Variants in UBA5 observed in about 807,000 individuals in gnomAD.
UBA5 encodes the protein ubiquitin like modifier activating enzyme 5.
Under a neutral mutation model 52.9 loss-of-function variants are expected in UBA5, and 28 were observed. The observed-to-expected ratio is 0.53, with a 90% confidence interval of 0.39 to 0.73. UBA5 has a LOEUF of 0.73. Among genes scored for constraint, UBA5 ranks in the 30% least tolerant of loss-of-function variants. UBA5 has a pLI of 0.00. For missense variants in UBA5, 388 were observed against 492.7 expected (o/e 0.79, Z 2.01); for synonymous variants, 135 against 162.1 (o/e 0.83, Z 1.27).
At chr3:132,659,463 C>T (rs941548725), upstream of UBA5, 2 of 1,230,108 alleles carry the variant, frequency 1.6e-6, no homozygotes, top group South Asian at 3.0e-5. Flanking sequence ...GCAATAGCAG[C>T]TCATGCCTGT....
In UBA5 at chr3:132,675,269, T is replaced by C. The variant is rs771075583; in HGVS notation, c.834T>C (p.Thr278=). Residue 278 remains threonine, a synonymous_variant, in exon 9 of 12, where the codon ACT becomes ACC. Coordinates refer to ENST00000356232, the MANE Select transcript of UBA5 (RefSeq NM_024818.6). ...NVLKFLLNFG[T]VSFYLGYNAM... ...CTAGGTTTCTGTTAAATTTTGGTAC[T>C]GTTAGTTTTTACCTTGGATACAATG... The C allele has an allele frequency of 1.9e-6, 3 of 1,608,534 alleles. No individual in the cohort carries two copies. The highest frequency in any genetic ancestry group is 2.6e-6 in the Non-Finnish European group (3 of 1,176,272).
chr3:132,676,423 T>A lies in UBA5; in HGVS notation c.1132-20T>A. ...TCTATATGGTTCTTTTTTCACTGTA[T>A]TTCCCTTATTTGTCAATAGCAAGAA... On this transcript the variant is annotated intron_variant, in intron 11 of 11. Coordinates refer to ENST00000356232, the MANE Select transcript of UBA5 (RefSeq NM_024818.6). The surrounding 1 kb of genome is among the most constrained non-coding windows in gnomAD (Gnocchi z 4.1). The A allele has an allele frequency of 6.3e-7, 1 of 1,589,538 alleles. No homozygotes were observed.
rs1938935345 is a variant in UBA5, at chr3:132,678,792, G to A, written c.*2266G>A. On this transcript the variant is annotated 3_prime_UTR_variant, in exon 12 of 12. Transcript: ENST00000356232. ...AGCCTCCCAAGTAGCTGGGATTACA[G>A]GTGCCCGCCACCACGCATGGCTAAT... Among the ~76,000 whole-genome samples the A allele has an allele frequency of 6.6e-6, 1 of 151,914 alleles. No individual in the cohort carries two copies. The highest frequency in any genetic ancestry group is 1.5e-5 in the Non-Finnish European group (1 of 67,992).
upstream of UBA5, chr3:132,659,831 C>A: frequency 6.7e-7 from 1 of 1,484,222 alleles, no homozygotes; most frequent in South Asian, 1.4e-5. Flanking sequence ...GCAACGTCCC[C>A]TCTAGAGCAT....
At chr3:132,671,231 C>T (rs151141988) in intron 6 of UBA5, among the ~76,000 whole-genome samples, 182 bp downstream of exon 6, 1 of 152,162 alleles carries the variant, frequency 6.6e-6, no homozygotes, top group Non-Finnish European at 1.5e-5. Context: ...CCTAGACTGT[C>T]TAGCCTTGCT....
chr3:132,661,689 T>C (rs1938174439), intron 1 of UBA5, among the ~76,000 whole-genome samples: 1 of 152,246 alleles, frequency 6.6e-6, no homozygotes, highest in African/African-American at 2.4e-5. Flanking sequence ...TTTGTCTTAA[T>C]GTAAAATTCT....
At chr3:132,670,812 T>TATATATG in intron 5 of UBA5, 153 bp from the exon 6 acceptor site, 1 of 471,304 alleles carries the variant, frequency 2.1e-6, no homozygotes, top group South Asian at 3.3e-5. Context: ...CAATACTTGA[T>TATATATG]ATATATGATA....
chr3:132,660,620 C>A lies in UBA5; in HGVS notation c.83C>A (p.Pro28Gln). The change falls in exon 1 of 12, where the codon CCG becomes CAG. Residue 28 changes from proline to glutamine, a missense_variant. Transcript: ENST00000356232. The surrounding 1 kb of genome is among the most constrained non-coding windows in gnomAD (Gnocchi z 4.1). ...ELAQERSLQV[P>Q]RSGDGGGGRV... is the part of the protein sequence containing the mutation. Reference sequence around the variant, plus strand: ...GCCCAGGAGAGGAGTCTGCAGGTCCCGAGGAGCGGCGACGGAGGGGGCGGC... The same window carrying A: ...GCCCAGGAGAGGAGTCTGCAGGTCCAGAGGAGCGGCGACGGAGGGGGCGGC... 6.4e-7 allele frequency: 1 copy of A among 1,561,310 alleles called. No individual in the cohort carries two copies. Among genetic ancestry groups the A allele is most frequent in the East Asian group, 2.4e-5 (1 of 41,678 alleles).
intron 1 of UBA5, among the ~76,000 whole-genome samples, chr3:132,664,966 T>C (rs1938314432): frequency 6.6e-6 from 1 of 152,116 alleles, no homozygotes; most frequent in Admixed American, 6.6e-5. Context: ...AGGAGAAACA[T>C]ACTTATTAAC....
Position 132,679,714 on chromosome 3 carries a change from C to T in UBA5, c.*3188C>T, listed in dbSNP as rs1049371633. On this transcript the variant is annotated 3_prime_UTR_variant, in exon 12 of 12. Transcript: ENST00000356232. Reference sequence around the variant, plus strand: ...AAGCAGTTTTTCTAAGGTGATAAACCGAACACATTACTTGCTATGTATTAA... The same window carrying T: ...AAGCAGTTTTTCTAAGGTGATAAACTGAACACATTACTTGCTATGTATTAA... 5.9e-5 allele frequency among the ~76,000 whole-genome samples: 9 copies of T among 151,996 alleles called. No homozygotes were observed. Among genetic ancestry groups the T allele is most frequent in the Non-Finnish European group, 8.8e-5 (6 of 68,002 alleles).
upstream of UBA5, chr3:132,659,643 CA>C: frequency 6.2e-7 from 1 of 1,611,342 alleles, no homozygotes; most frequent in South Asian, 1.1e-5. Context: ...CGTTCGGCCC[CA>C]AAGCCAGACA....
At position 132,675,231 on chromosome 3, in the gene UBA5, T is replaced by C. The variant is rs778278215; in HGVS notation, c.813-17T>C. On this transcript the variant is annotated splice_polypyrimidine_tract_variant and intron_variant, in intron 8 of 11. Coordinates refer to ENST00000356232, the MANE Select transcript of UBA5 (RefSeq NM_024818.6). ...TGTTTTAAATTTCTTTATTTAAGTC[T>C]ATTTTGATTTTTCTAGGTTTCTGTT... 1 of 1,542,564 alleles carries C rather than the reference T, an allele frequency of 6.5e-7. No homozygotes were observed. Among genetic ancestry groups the C allele is most frequent in the Non-Finnish European group, 8.9e-7 (1 of 1,128,774 alleles).
Position 132,679,115 on chromosome 3 carries a change from A to G in UBA5, c.*2589A>G, listed in dbSNP as rs989729373. On this transcript the variant is annotated 3_prime_UTR_variant, in exon 12 of 12. Coordinates refer to ENST00000356232, the MANE Select transcript of UBA5 (RefSeq NM_024818.6). Reference sequence around the variant, plus strand: ...AAACCCCGTCTCTACTAAAAATACAAAAATTAGCCGGGCGTGGTGGTGCGT... The same window carrying G: ...AAACCCCGTCTCTACTAAAAATACAGAAATTAGCCGGGCGTGGTGGTGCGT... Among the ~76,000 whole-genome samples, 29 of 151,904 alleles carry G rather than the reference A, an allele frequency of 1.9e-4. No individual in the cohort carries two copies. Among genetic ancestry groups the G allele is most frequent in the Non-Finnish European group, 1.5e-5 (1 of 67,978 alleles).
At chr3:132,654,812 C>A (rs1349021375) in intron 1 of UBA5, 1 of 152,168 alleles carries the variant, frequency 6.6e-6, no homozygotes, top group African/African-American at 2.4e-5. Context: ...AGAAGCCACA[C>A]AATAAATCGT....
In UBA5 at chr3:132,670,955, C is replaced by A; in HGVS notation, c.495-10C>A. 6.2e-7 allele frequency: 1 copy of A among 1,610,338 alleles called. No homozygotes were observed. The highest frequency in any genetic ancestry group is 8.5e-7 in the Non-Finnish European group (1 of 1,177,124). ...TCCTGATGTTTTTCAAACTTATTTT[C>A]TTTGACTAGTAATGGTGGGTTAGAA... is the stretch of plus-strand genomic sequence containing the variant. On this transcript the variant is annotated splice_polypyrimidine_tract_variant and intron_variant, in intron 5 of 11. Transcript: ENST00000356232.
At chr3:132,661,638 C>G (rs1938171793) in intron 1 of UBA5, among the ~76,000 whole-genome samples, 1 of 152,186 alleles carries the variant, frequency 6.6e-6, no homozygotes, top group Non-Finnish European at 1.5e-5. Context: ...ACCTCAGGTT[C>G]ATGCCTTGGT....
chr3:132,657,083 A>G (rs1186840614), upstream of UBA5, among the ~76,000 whole-genome samples: 3 of 152,168 alleles, frequency 2.0e-5, no homozygotes, highest in African/African-American at 7.2e-5. Flanking sequence ...TTTCTTCTCT[A>G]AAGTCAAAAA....
intron 5 of UBA5, among the ~76,000 whole-genome samples, 191 bp downstream of exon 5, chr3:132,670,475 TTAAAAA>T (rs1181579113): frequency 6.6e-5 from 10 of 152,036 alleles, no homozygotes; most frequent in South Asian, 2.1e-4. Flanking sequence ...CCAAAAACAA[TTAAAAA>T]TAAAAAGCAA....
intron 1 of UBA5, among the ~76,000 whole-genome samples, chr3:132,664,657 C>G (rs1938297386): frequency 6.6e-6 from 1 of 151,864 alleles, no homozygotes; most frequent in South Asian, 2.1e-4. Flanking sequence ...CTCAGGTGGT[C>G]CTGTTGTTGA....
Sources: gnomAD v4.1 joint callset for allele counts (sites outside exome capture counted in the v4.1 genomes callset) on GRCh38, gnomAD v4.1.1 for gene constraint, Gnocchi (gnomAD v3.1) non-coding constraint, MANE v1.5 for transcripts, NCBI Gene and HGNC (gene_info 2026-07-23, HGNC 2026-07-21) for gene names.